Variants in AOAH observed in about 807,000 individuals in gnomAD.
The protein encoded by AOAH is acyloxyacyl hydrolase, also known as acyloxyacyl hydrolase (neutrophil).
AOAH carries 64 observed loss-of-function variants against 92.2 expected under a neutral mutation model. The observed-to-expected ratio is 0.69, with a 90% CI of 0.57 to 0.86. The LOEUF (loss-of-function observed/expected upper bound fraction) is 0.86, where lower values mean the gene tolerates loss of function less well. AOAH is among the 40% of genes least tolerant of loss of function. The probability of loss-of-function intolerance (pLI) is 0.00; values close to 1 mark genes in which losing one functional copy is unlikely to be tolerated. For synonymous variants in AOAH, 263 were observed against 254.5 expected (o/e 1.03, Z -0.32); for missense variants, 656 against 694.6 (o/e 0.94, Z 0.62).
In AOAH at chr7:36,542,129, A is replaced by C. The variant is rs151116589; in HGVS notation, c.1134-1638T>G. On this transcript the variant is annotated intron_variant, in intron 15 of 20. Coordinates refer to ENST00000617537, the MANE Select transcript of AOAH (RefSeq NM_001637.4). Reference sequence around the variant, plus strand: ...TAAATTCAATGACTGAATCCTTATAAGAAGAGGAGAGGACACACAGACATA... The same window carrying C: ...TAAATTCAATGACTGAATCCTTATACGAAGAGGAGAGGACACACAGACATA... 2.0e-3 allele frequency among the ~76,000 whole-genome samples: 306 copies of C among 152,276 alleles called. 4 individuals are homozygous for C. Among genetic ancestry groups the C allele is most frequent in the East Asian group, 5.8e-4 (3 of 5,186 alleles).
intron 13 of AOAH, among the ~76,000 whole-genome samples, chr7:36,555,977 A>G (rs1277224002): frequency 1.3e-5 from 2 of 151,516 alleles, no homozygotes; most frequent in African/African-American, 4.9e-5. Context: ...TTGTGTCTCT[A>G]TTTCCTTCAG....
chr7:36,514,688 G>C, intron 20 of AOAH: 1 of 816,370 alleles, frequency 1.2e-6, no homozygotes. Context: ...TGAGCAATGA[G>C]AAATGTGATT....
intron 1 of AOAH, among the ~76,000 whole-genome samples, chr7:36,696,610 C>T (rs1044586819): frequency 6.6e-6 from 1 of 152,066 alleles, no homozygotes; most frequent in Non-Finnish European, 1.5e-5. Context: ...GCCTGCAATC[C>T]CAGCACTTTG....
chr7:36,629,424 G>C (rs1583983086), intron 6 of AOAH, among the ~76,000 whole-genome samples: 1 of 152,216 alleles, frequency 6.6e-6, no homozygotes, highest in East Asian at 1.9e-4. Flanking sequence ...AGGGGGCAGG[G>C]GGCTCGATTT....
intron 13 of AOAH, among the ~76,000 whole-genome samples, chr7:36,564,806 T>C (rs1787565871): frequency 6.6e-6 from 1 of 152,224 alleles, no homozygotes; most frequent in South Asian, 2.1e-4. Context: ...CTCTTCACAT[T>C]ACAATCACTG....
chr7:36,696,319 T>C (rs1424826201), intron 1 of AOAH, among the ~76,000 whole-genome samples: 1 of 152,202 alleles, frequency 6.6e-6, no homozygotes, highest in Non-Finnish European at 1.5e-5. Context: ...AAACTCCTAT[T>C]AGGATTTTGA....
chr7:36,546,386 TA>T (rs1302531852), intron 15 of AOAH, among the ~76,000 whole-genome samples: 1 of 152,218 alleles, frequency 6.6e-6, no homozygotes, highest in Admixed American at 6.5e-5. Context: ...TGGGGAGATA[TA>T]GTTGCCATCT....
chr7:36,638,937 C>A lies in AOAH; in HGVS notation c.391-1027G>T, dbSNP rs1793706764. Among the ~76,000 whole-genome samples, 3 of 152,174 alleles carry A rather than the reference C, an allele frequency of 2.0e-5. No homozygotes were observed. In the South Asian group the frequency reaches 6.2e-4, roughly 31 times the overall value. ...GAGAGTCCTCCACTCTTGCTCTGAC[C>A]ACCCAGCCTCTTCCTTGGACTCTCC... On this transcript the variant is annotated intron_variant, in intron 4 of 20. Transcript: ENST00000617537.
rs545715976 is a variant in AOAH at position 36,625,550 on chromosome 7, A to G, written c.522-2300T>C. On this transcript the variant is annotated intron_variant, in intron 6 of 20. Transcript: ENST00000617537. ...AAGAGGAAATTCACCTCCCCCTTCC[A>G]TTTGGGGTGGGGTGGGTTGAACAAG... is the stretch of plus-strand genomic sequence containing the variant. 9.2e-5 allele frequency among the ~76,000 whole-genome samples: 14 copies of G among 152,174 alleles called. No individual in the cohort carries two copies. The South Asian group carries it at 1.5e-3, about 16-fold the overall frequency.
intron 1 of AOAH, among the ~76,000 whole-genome samples, chr7:36,701,480 T>C (rs891330813): frequency 1.3e-5 from 2 of 150,188 alleles, no homozygotes; most frequent in Middle Eastern, 3.5e-3. Flanking sequence ...TTGACAATTA[T>C]ATTATATATA....
chr7:36,704,391 A>C (rs1798255859), intron 1 of AOAH, among the ~76,000 whole-genome samples: 1 of 152,192 alleles, frequency 6.6e-6, no homozygotes. Flanking sequence ...GAAAATCTAG[A>C]AGAAATGGAT....
At chr7:36,650,757 A>G (rs552133145) in intron 4 of AOAH, among the ~76,000 whole-genome samples, 27 of 152,260 alleles carry the variant, frequency 1.8e-4, no homozygotes, top group African/African-American at 6.0e-4. Flanking sequence ...TTCTCATCCT[A>G]TTTTTTACTA....
At chr7:36,589,588 C>T (rs1195088829) in intron 12 of AOAH, among the ~76,000 whole-genome samples, 3 of 152,190 alleles carry the variant, frequency 2.0e-5, no homozygotes, top group African/African-American at 7.2e-5. Context: ...AATAACCATG[C>T]CCAATGAGCG....
At chr7:36,684,416 A>T (rs974439410) in intron 2 of AOAH, among the ~76,000 whole-genome samples, 9 of 152,308 alleles carry the variant, frequency 5.9e-5, no homozygotes, top group African/African-American at 2.2e-4. Flanking sequence ...GAAAACTGAT[A>T]CAAGAAAAGA....
At chr7:36,535,069 C>T (rs112608272) in intron 16 of AOAH, among the ~76,000 whole-genome samples, 57 of 26,662 alleles carry the variant, frequency 2.1e-3, no homozygotes, top group Middle Eastern at 0.029. Flanking sequence ...TGTGTGTATC[C>T]GTGTGTGTCT....
intron 2 of AOAH, among the ~76,000 whole-genome samples, chr7:36,675,320 G>A (rs765675639): frequency 6.6e-5 from 10 of 152,198 alleles, no homozygotes; most frequent in Non-Finnish European, 8.8e-5. Context: ...CTCACATTAT[G>A]AGTGACCTTA....
In AOAH at chr7:36,621,773, C is replaced by T. The variant is rs756142076; in HGVS notation, c.590G>A (p.Arg197Gln). The stretch of plus-strand genomic sequence containing the variant: ...GTCTCTCCCCCGCCAGTGATAGCCC[C>T]GCAGTGTCTGAAATTGAAGAGCACA... ...SDKYSVFPTL[R>Q]GYHWRGRDCN... is the part of the protein sequence containing the mutation. The change falls in exon 8 of 21, where the codon CGG becomes CAG. Residue 197 changes from arginine to glutamine, a missense_variant. Physicochemically the swap from Arg to Gln is conservative, Grantham distance 43. Coordinates refer to ENST00000617537, the MANE Select transcript of AOAH (RefSeq NM_001637.4). 15 of 1,614,006 alleles carry T rather than the reference C, an allele frequency of 9.3e-6. No homozygotes were observed. The Admixed American group carries it at 1.3e-4, about 14-fold the overall frequency.
chr7:36,711,065 C>T (rs1024851616), intron 1 of AOAH, among the ~76,000 whole-genome samples: 1 of 152,090 alleles, frequency 6.6e-6, no homozygotes, highest in African/African-American at 2.4e-5. Flanking sequence ...AGGTCTTAAC[C>T]CCATGCCTTA....
At chr7:36,628,719 T>C (rs1792854312) in intron 6 of AOAH, among the ~76,000 whole-genome samples, 1 of 152,156 alleles carries the variant, frequency 6.6e-6, no homozygotes, top group African/African-American at 2.4e-5. Flanking sequence ...TTAGACCGAA[T>C]GGGACGGAGG....
Sources: gnomAD v4.1 joint callset for allele counts (sites outside exome capture counted in the v4.1 genomes callset) on GRCh38, gnomAD v4.1.1 for gene constraint, MANE v1.5 for transcripts, NCBI Gene and HGNC (gene_info 2026-07-23, HGNC 2026-07-21) for gene names.